The following PTPRO variants were observed in gnomAD, a reference collection of about 807,000 sequenced individuals.
PTPRO encodes the protein protein tyrosine phosphatase receptor type O.
Under a neutral mutation model 145.2 loss-of-function variants are expected in PTPRO, and 62 were observed. The observed-to-expected ratio is 0.43, with a 90% CI of 0.35 to 0.53. PTPRO has a LOEUF of 0.53. PTPRO is among the 20% of genes least tolerant of loss of function. The pLI is 0.01. For missense variants in PTPRO, 1,345 were observed against 1,482.7 expected (o/e 0.91, Z 1.53); for synonymous variants, 565 against 514.7 (o/e 1.10, Z -1.32).
intron 1 of PTPRO, among the ~76,000 whole-genome samples, chr12:15,426,354 A>G (rs1257757147): frequency 1.3e-5 from 2 of 151,972 alleles, no homozygotes; most frequent in African/African-American, 4.8e-5. Flanking sequence ...TATCCGTGAA[A>G]ATTGTTAGCT....
chr12:15,491,330 A>G (rs1941995446), intron 2 of PTPRO, among the ~76,000 whole-genome samples: 1 of 152,244 alleles, frequency 6.6e-6, no homozygotes, highest in Non-Finnish European at 1.5e-5. Context: ...AAACAGAGCA[A>G]TCTCAGAAAG....
At chr12:15,590,803 T>G (rs1235197600) in intron 25 of PTPRO, among the ~76,000 whole-genome samples, 2 of 152,212 alleles carry the variant, frequency 1.3e-5, no homozygotes, top group African/African-American at 2.4e-5. Context: ...CCTAGTAATT[T>G]AGTGTGGTGG....
At chr12:15,465,234 C>T (rs1941390860) in intron 1 of PTPRO, among the ~76,000 whole-genome samples, 1 of 152,164 alleles carries the variant, frequency 6.6e-6, no homozygotes, top group African/African-American at 2.4e-5. Context: ...TTGTTCCAGC[C>T]TTCTTGTAAT....
intron 1 of PTPRO, among the ~76,000 whole-genome samples, chr12:15,332,151 G>C (rs1866631896): frequency 1.3e-5 from 2 of 151,896 alleles, no homozygotes; most frequent in Non-Finnish European, 2.9e-5. Context: ...ATTTTTAGTA[G>C]AGACAGAATT....
intron 1 of PTPRO, among the ~76,000 whole-genome samples, chr12:15,346,851 C>A (rs1371337891): frequency 6.6e-6 from 1 of 152,192 alleles, no homozygotes; most frequent in Non-Finnish European, 1.5e-5. Flanking sequence ...CACACTTCTT[C>A]AGGGGTTTAA....
intron 1 of PTPRO, among the ~76,000 whole-genome samples, chr12:15,440,555 G>T (rs1940734865): frequency 6.6e-6 from 1 of 152,120 alleles, no homozygotes; most frequent in South Asian, 2.1e-4. Context: ...TGCAAACAGA[G>T]AAGAAATAAA....
rs183652705 is a variant in PTPRO, at chr12:15,569,003, A to C, written c.2748-414A>C. Among the ~76,000 whole-genome samples, 19 of 152,340 alleles carry C rather than the reference A, an allele frequency of 1.2e-4. No homozygotes were observed. The East Asian group carries it at 2.7e-3, about 22-fold the overall frequency. On this transcript the variant is annotated intron_variant, in intron 18 of 26. Coordinates refer to ENST00000281171, the MANE Select transcript of PTPRO (RefSeq NM_030667.3). ...ATGGATGAGAACATTGACTCTGAAG[A>C]GTTAGGCGATTCTCTAGGATAACAC... is the stretch of plus-strand genomic sequence containing the variant.
At position 15,560,136 on chromosome 12, in the gene PTPRO, A is replaced by G. The variant is rs80235050; in HGVS notation, c.2628-57A>G. ...TTACTGATATCTATTCACAGTTTAT[A>G]TTACTAACTCTTGCAACTTTTTCAT... On this transcript the variant is annotated intron_variant, in intron 16 of 26. Coordinates refer to ENST00000281171, the MANE Select transcript of PTPRO (RefSeq NM_030667.3). 1,816 of 1,260,670 alleles carry G rather than the reference A, an allele frequency of 1.4e-3. 30 individuals are homozygous for G. In the East Asian group the frequency reaches 0.039, roughly 27 times the overall value. 78.1% of individuals were successfully genotyped at this position (1,260,670 alleles called of 1,614,324 possible).
intron 1 of PTPRO, among the ~76,000 whole-genome samples, chr12:15,324,545 T>A (rs190664307): frequency 1.3e-5 from 2 of 152,292 alleles, no homozygotes; most frequent in African/African-American, 4.8e-5. Context: ...TGCAGGTAAA[T>A]GTAAATTATG....
At chr12:15,547,511 G>GA (rs1409928513) in intron 13 of PTPRO, among the ~76,000 whole-genome samples, 3 of 152,112 alleles carry the variant, frequency 2.0e-5, no homozygotes, top group African/African-American at 2.4e-5. Flanking sequence ...AGATTGAGAA[G>GA]AAAAAAGGAA....
intron 19 of PTPRO, among the ~76,000 whole-genome samples, chr12:15,574,621 C>T (rs1944138312): frequency 6.6e-6 from 1 of 152,186 alleles, no homozygotes; most frequent in Non-Finnish European, 1.5e-5. Flanking sequence ...TTTCTTTCTC[C>T]TCACTTTTTC....
intron 13 of PTPRO, among the ~76,000 whole-genome samples, chr12:15,548,202 TA>T (rs61334908): frequency 0.3 from 45,253 of 149,592 alleles, 6,748 homozygotes; most frequent in Middle Eastern, 0.43. Context: ...TCACTTACGG[TA>T]AAAAAAAAAT....
At chr12:15,418,526 C>T (rs575316711) in intron 1 of PTPRO, among the ~76,000 whole-genome samples, 1 of 151,648 alleles carries the variant, frequency 6.6e-6, no homozygotes, top group East Asian at 1.9e-4. Flanking sequence ...AACAATCACA[C>T]AAGAACTAGA....
At chr12:15,567,932 ATGT>A (rs1943942945) in intron 18 of PTPRO, among the ~76,000 whole-genome samples, 1 of 152,218 alleles carries the variant, frequency 6.6e-6, no homozygotes, top group Admixed American at 6.5e-5. Flanking sequence ...AAGATAATGC[ATGT>A]GACTATTTAT....
chr12:15,396,555 T>C (rs1232067897), intron 1 of PTPRO, among the ~76,000 whole-genome samples: 1 of 152,174 alleles, frequency 6.6e-6, no homozygotes, highest in Non-Finnish European at 1.5e-5. Flanking sequence ...CTTAAATTGA[T>C]GTGATATTAA....
intron 12 of PTPRO, among the ~76,000 whole-genome samples, chr12:15,541,355 A>G (rs1223640717): frequency 3.9e-5 from 6 of 152,112 alleles, no homozygotes; most frequent in Non-Finnish European, 8.8e-5. Flanking sequence ...ACTGTATTTG[A>G]TATTTTATAG....
intron 16 of PTPRO, 93 bp downstream of exon 16, chr12:15,557,616 C>A: frequency 8.8e-7 from 1 of 1,136,810 alleles, no homozygotes; most frequent in South Asian, 1.3e-5. Flanking sequence ...ATAGTTTTGT[C>A]TGATTATCCT....
intron 8 of PTPRO, 47 bp from the exon 9 acceptor site, chr12:15,516,716 A>C: frequency 6.6e-7 from 1 of 1,504,392 alleles, no homozygotes; most frequent in Non-Finnish European, 9.2e-7. Context: ...TTGCTAAGAC[A>C]TTCCTTCTTA....
At chr12:15,437,733 C>A in intron 1 of PTPRO, among the ~76,000 whole-genome samples, 1 of 152,186 alleles carries the variant, frequency 6.6e-6, no homozygotes, top group East Asian at 1.9e-4. Context: ...GATTAGGAAC[C>A]TGGAACACAG....
Sources: gnomAD v4.1 joint callset for allele counts (sites outside exome capture counted in the v4.1 genomes callset) on GRCh38, gnomAD v4.1.1 for gene constraint, MANE v1.5 for transcripts, NCBI Gene and HGNC (gene_info 2026-07-23, HGNC 2026-07-21) for gene names.